The following SGCZ variants were observed in gnomAD, a reference collection of about 807,000 sequenced individuals.
The protein encoded by SGCZ is sarcoglycan zeta, also known as zeta-sarcoglycan.
In SGCZ, 40 loss-of-function variants were observed where a neutral mutation model predicts 41.3. The observed-to-expected ratio is 0.97, with a 90% confidence interval of 0.75 to 1.26. The LOEUF is 1.26. SGCZ is among the 50% of genes most tolerant of loss of function. The probability of loss-of-function intolerance (pLI) is 0.00; values close to 1 mark genes in which losing one functional copy is unlikely to be tolerated. For missense variants in SGCZ, 552 were observed against 369.8 expected, an observed-to-expected ratio of 1.49 and a Z score of -4.04; for synonymous variants, 206 against 137.5, an observed-to-expected ratio of 1.50 and a Z score of -3.49.
chr8:14,515,607 G>C (rs967299578), intron 2 of SGCZ, among the ~76,000 whole-genome samples: 3 of 152,082 alleles, frequency 2.0e-5, no homozygotes, highest in African/African-American at 7.2e-5. Context: ...ATGTAAAGCA[G>C]AATGCAATAA....
chr8:14,428,101 T>TAC (rs200114899), intron 2 of SGCZ, among the ~76,000 whole-genome samples: 1,609 of 124,304 alleles, frequency 0.013, 42 homozygotes, highest in East Asian at 0.069. Context: ...TGGTTGTATA[T>TAC]ACACACACAC....
chr8:14,608,813 C>T (rs1805836396), intron 1 of SGCZ, among the ~76,000 whole-genome samples: 4 of 151,744 alleles, frequency 2.6e-5, no homozygotes, highest in Middle Eastern at 3.4e-3. Flanking sequence ...ATATTCGAAC[C>T]ATATCGGCAA....
intron 1 of SGCZ, among the ~76,000 whole-genome samples, chr8:14,921,784 C>A (rs1013078234): frequency 6.6e-5 from 10 of 152,044 alleles, no homozygotes; most frequent in Admixed American, 1.3e-4. Flanking sequence ...AGTAAAAGTT[C>A]ACTCCTTATA....
intron 1 of SGCZ, among the ~76,000 whole-genome samples, chr8:14,716,823 C>G (rs1366799228): frequency 6.6e-6 from 1 of 151,962 alleles, no homozygotes; most frequent in Non-Finnish European, 1.5e-5. Flanking sequence ...ATGATAATTC[C>G]ACTTTGTAAT....
chr8:14,373,156 A>G (rs1013671083), intron 2 of SGCZ, among the ~76,000 whole-genome samples: 2 of 152,184 alleles, frequency 1.3e-5, no homozygotes, highest in Non-Finnish European at 2.9e-5. Flanking sequence ...TCTAGAGGTT[A>G]GTACTTGCTG....
At chr8:14,831,688 A>G (rs1802534464) in intron 1 of SGCZ, among the ~76,000 whole-genome samples, 1 of 151,974 alleles carries the variant, frequency 6.6e-6, no homozygotes, top group Non-Finnish European at 1.5e-5. Context: ...ATACAATTAT[A>G]CTAAAACATT....
At chr8:14,381,853 A>G (rs1754958157) in intron 2 of SGCZ, among the ~76,000 whole-genome samples, 1 of 152,038 alleles carries the variant, frequency 6.6e-6, no homozygotes, top group Non-Finnish European at 1.5e-5. Context: ...CTTTATGCAC[A>G]CTAATTCATT....
chr8:14,385,748 A>G (rs1200056524), intron 2 of SGCZ, among the ~76,000 whole-genome samples: 1 of 152,196 alleles, frequency 6.6e-6, no homozygotes, highest in African/African-American at 2.4e-5. Flanking sequence ...CAAAAACAAA[A>G]AAACAAAATC....
intron 3 of SGCZ, among the ~76,000 whole-genome samples, chr8:14,243,133 A>G (rs1255421880): frequency 6.6e-6 from 1 of 152,226 alleles, no homozygotes; most frequent in Non-Finnish European, 1.5e-5. Context: ...AGTATTGCCT[A>G]TGCAAATCTC....
At chr8:14,841,684 C>A (rs1802920134) in intron 1 of SGCZ, among the ~76,000 whole-genome samples, 1 of 152,092 alleles carries the variant, frequency 6.6e-6, no homozygotes, top group Non-Finnish European at 1.5e-5. Context: ...GGGACAAGCC[C>A]ATACTAAATG....
intron 3 of SGCZ, among the ~76,000 whole-genome samples, chr8:14,310,173 G>A (rs1270466698): frequency 6.6e-6 from 1 of 152,062 alleles, no homozygotes; most frequent in Non-Finnish European, 1.5e-5. Flanking sequence ...CTTCCTGATG[G>A]CTGATAGATT....
intron 1 of SGCZ, among the ~76,000 whole-genome samples, chr8:14,634,612 A>G (rs6983709): frequency 0.11 from 16,607 of 151,872 alleles, 1,076 homozygotes; most frequent in African/African-American, 0.19. Flanking sequence ...TGTACGAGAA[A>G]GATGCCTTGA....
chr8:14,581,639 G>A (rs961660611), intron 1 of SGCZ, among the ~76,000 whole-genome samples: 2 of 152,054 alleles, frequency 1.3e-5, no homozygotes, highest in African/African-American at 4.8e-5. Context: ...TGTTGCTTCA[G>A]AGTCCAGAAA....
intron 1 of SGCZ, among the ~76,000 whole-genome samples, chr8:15,081,828 G>C (rs1805758248): frequency 6.6e-6 from 1 of 152,112 alleles, no homozygotes; most frequent in Non-Finnish European, 1.5e-5. Flanking sequence ...AACAGAGACA[G>C]AGATACAAAG....
In SGCZ at chr8:15,046,201, C is replaced by T. The variant is rs549532775; in HGVS notation, c.39+191384G>A. 3.3e-5 allele frequency among the ~76,000 whole-genome samples: 5 copies of T among 152,086 alleles called. No individual in the cohort carries two copies. In the South Asian group the frequency reaches 8.3e-4, roughly 25 times the overall value. ...GGAAATTTTACTTTCCAATTAAAGC[C>T]TAATATCTTCCATGCCTAATACTCT... On this transcript the variant is annotated intron_variant, in intron 1 of 7. Transcript: ENST00000382080.
At chr8:14,784,657 G>C (rs1321449032) in intron 1 of SGCZ, among the ~76,000 whole-genome samples, 3 of 151,462 alleles carry the variant, frequency 2.0e-5, no homozygotes, top group Admixed American at 1.3e-4. Flanking sequence ...CACTTTGGGA[G>C]GCCAAGGCAG....
intron 1 of SGCZ, among the ~76,000 whole-genome samples, chr8:14,954,955 T>C (rs896442021): frequency 2.0e-5 from 3 of 152,212 alleles, no homozygotes; most frequent in Admixed American, 1.3e-4. Context: ...TCCCAGGTGC[T>C]ATGATATAGT....
At chr8:14,503,745 T>G (rs1461455012) in intron 2 of SGCZ, among the ~76,000 whole-genome samples, 1 of 152,062 alleles carries the variant, frequency 6.6e-6, no homozygotes, top group East Asian at 1.9e-4. Flanking sequence ...TCCAGCCTGG[T>G]GACAGAGCAA....
chr8:14,851,368 C>CAAAAAAAAAAAAAAAAAAAAAAAAAAA (rs369090223), intron 1 of SGCZ, among the ~76,000 whole-genome samples: 1 of 61,904 alleles, frequency 1.6e-5, no homozygotes, highest in Non-Finnish European at 2.9e-5. Context: ...GACTCCATCT[C>CAAAAAAAAAAAAAAAAAAAAAAAAAAA]AAAAAAAAAA....
Sources: allele counts gnomAD v4.1 joint callset (sites outside exome capture counted in the v4.1 genomes callset), GRCh38; gene constraint gnomAD v4.1.1; transcripts MANE v1.5; gene names NCBI Gene and HGNC (gene_info 2026-07-23, HGNC 2026-07-21).